SLC36A1: variants seen among roughly 807,000 people sequenced by gnomAD.
SLC36A1 encodes the protein proton-coupled amino acid transporter 1.
Under a neutral mutation model 47.5 loss-of-function variants are expected in SLC36A1, and 30 were observed. That is an observed-to-expected ratio of 0.63 (90% CI 0.47 to 0.86). The LOEUF (loss-of-function observed/expected upper bound fraction) is 0.86. SLC36A1 is among the 40% of genes least tolerant of loss of function. SLC36A1 has a pLI of 0.00. For synonymous variants in SLC36A1, 255 were observed against 249.7 expected, an observed-to-expected ratio of 1.02 and a Z score of -0.20; for missense variants, 517 against 606.0, an observed-to-expected ratio of 0.85 and a Z score of 1.54.
At chr5:151,511,073 G>C in the SLC36A1 span, 1 of 152,642 alleles carries the variant, frequency 6.6e-6, no homozygotes, top group Admixed American at 6.5e-5. Context: ...CTGCTGGAAG[G>C]TGGAAGGCCG....
chr5:151,359,678 C>A, the SLC36A1 span, among the ~76,000 whole-genome samples: 1 of 152,328 alleles, frequency 6.6e-6, no homozygotes, highest in African/African-American at 2.4e-5. Flanking sequence ...CCCTAGGGAG[C>A]AACTGATGTG....
At chr5:151,362,575 G>A in the SLC36A1 span, among the ~76,000 whole-genome samples, 5 of 151,888 alleles carry the variant, frequency 3.3e-5, no homozygotes, top group Non-Finnish European at 7.4e-5. Flanking sequence ...ATTTTTAGTA[G>A]AGATGAGGTT....
chr5:151,533,587 A>G, the SLC36A1 span, among the ~76,000 whole-genome samples: 4 of 152,164 alleles, frequency 2.6e-5, no homozygotes, highest in Admixed American at 6.5e-5. Context: ...TGTCAAACAG[A>G]GCAGGGTGTT....
At chr5:151,547,727 G>A in the SLC36A1 span, among the ~76,000 whole-genome samples, 5 of 152,186 alleles carry the variant, frequency 3.3e-5, no homozygotes, top group Admixed American at 6.5e-5. Context: ...ATGTGATTCC[G>A]ATTATAATTT....
At chr5:151,476,865 T>C in intron 9 of SLC36A1, 109 bp downstream of exon 9, 2 of 1,357,364 alleles carry the variant, frequency 1.5e-6, no homozygotes, top group Non-Finnish European at 2.1e-6. Context: ...CCCACTTCAC[T>C]CTAGCCCACC....
At chr5:151,352,898 G>A in the SLC36A1 span, among the ~76,000 whole-genome samples, 141 of 152,324 alleles carry the variant, frequency 9.3e-4, no homozygotes, top group Non-Finnish European at 1.6e-3. Flanking sequence ...CAAAGGGTAT[G>A]ATTTAAACCC....
At position 151,484,034 on chromosome 5, in the gene SLC36A1, TATC is replaced by T. The variant is rs1184315899; in HGVS notation, c.1160-3946_1160-3944del. On this transcript the variant is annotated intron_variant, in intron 10 of 10. Coordinates refer to ENST00000243389, the MANE Select transcript of SLC36A1 (RefSeq NM_078483.4). ...ACAAGTTTTTAGATTACTTATAAAA[TATC>T]ATGATGAAGCGGAAGATCTTTGTCC... Among the ~76,000 whole-genome samples the T allele has an allele frequency of 2.0e-5, 3 of 152,330 alleles. No individual in the cohort carries two copies. The East Asian group carries it at 5.8e-4, about 29-fold the overall frequency.
At chr5:151,380,651 A>G in the SLC36A1 span, 1 of 553,094 alleles carries the variant, frequency 1.8e-6, no homozygotes, top group East Asian at 4.9e-5. Context: ...CACATCGTCA[A>G]CCCAGCCCTA....
At chr5:151,521,222 A>C in the SLC36A1 span, 1 of 1,522,346 alleles carries the variant, frequency 6.6e-7, no homozygotes, top group South Asian at 1.3e-5. Flanking sequence ...GCTTAGAGTC[A>C]GGCGGGCTGA....
the SLC36A1 span, among the ~76,000 whole-genome samples, chr5:151,354,258 C>T: frequency 6.6e-6 from 1 of 152,176 alleles, no homozygotes; most frequent in Non-Finnish European, 1.5e-5. Context: ...GAGCCAAGAT[C>T]GCACCACTGC....
At chr5:151,378,662 C>T in the SLC36A1 span, 2 of 156,484 alleles carry the variant, frequency 1.3e-5, no homozygotes, top group African/African-American at 4.8e-5. Flanking sequence ...GTAGCTGCCA[C>T]CAGCACCACA....
At chr5:151,476,552 T>G (rs927904976) in intron 8 of SLC36A1, 38 bp from the exon 9 acceptor site, 3 of 1,444,598 alleles carry the variant, frequency 2.1e-6, no homozygotes, top group African/African-American at 2.8e-5. Flanking sequence ...CTTTTCTTTT[T>G]TCTGCACTTT....
At chr5:151,521,435 A>G in the SLC36A1 span, 1 of 1,614,088 alleles carries the variant, frequency 6.2e-7, no homozygotes, top group Non-Finnish European at 8.5e-7. Flanking sequence ...GGCATAGCTG[A>G]CCGCATCTGA....
chr5:151,447,172 A>G (rs988765996), upstream of SLC36A1, among the ~76,000 whole-genome samples: 8 of 152,260 alleles, frequency 5.3e-5, no homozygotes, highest in Admixed American at 5.2e-4. Flanking sequence ...ATTTGAATGT[A>G]TTAAAAGATA....
Position 151,489,196 on chromosome 5 carries a change from C to T in SLC36A1, c.*942C>T, listed in dbSNP as rs1020575474. 2.0e-5 allele frequency: 3 copies of T among 152,078 alleles called. No individual in the cohort carries two copies. The highest frequency in any genetic ancestry group is 4.4e-5 in the Non-Finnish European group (3 of 68,024). The allele number at this position is 152,078 out of a possible 1,614,324, so 9.4% of individuals were successfully genotyped here. On this transcript the variant is annotated 3_prime_UTR_variant, in exon 11 of 11. Coordinates refer to ENST00000243389, the MANE Select transcript of SLC36A1 (RefSeq NM_078483.4). The surrounding 1 kb of genome is among the most constrained non-coding windows in gnomAD (Gnocchi z 4.5). ...CCTGTTGACCAGCCTGGTTTCATACCGAAAAGACATTGAAGGACTGCAGAA... is the reference window on the plus strand; with the variant it reads ...CCTGTTGACCAGCCTGGTTTCATACTGAAAAGACATTGAAGGACTGCAGAA...
At chr5:151,362,389 C>CTTTTTT in the SLC36A1 span, among the ~76,000 whole-genome samples, 4 of 108,992 alleles carry the variant, frequency 3.7e-5, no homozygotes, top group Admixed American at 8.7e-5. Context: ...ATTGATTCTT[C>CTTTTTT]TTTTTTTTTT....
the SLC36A1 span, among the ~76,000 whole-genome samples, chr5:151,519,063 G>A: frequency 6.6e-6 from 1 of 152,246 alleles, no homozygotes; most frequent in Non-Finnish European, 1.5e-5. Context: ...ACACATTCCA[G>A]CTGGACGCAG....
the SLC36A1 span, chr5:151,545,591 C>G: frequency 6.2e-7 from 1 of 1,613,892 alleles, no homozygotes; most frequent in Non-Finnish European, 8.5e-7. Context: ...ACAGGGCTTC[C>G]TTGGTCATGG....
chr5:151,484,290 T>C (rs555974886), intron 10 of SLC36A1, among the ~76,000 whole-genome samples: 13 of 152,328 alleles, frequency 8.5e-5, no homozygotes, highest in African/African-American at 2.9e-4. Context: ...GCCTCCTGTC[T>C]CTTGAGCGGA....
Sources: gnomAD v4.1 joint callset for allele counts (sites outside exome capture counted in the v4.1 genomes callset) on GRCh38, gnomAD v4.1.1 for gene constraint, Gnocchi (gnomAD v3.1) non-coding constraint, MANE v1.5 for transcripts, NCBI Gene and HGNC (gene_info 2026-07-23, HGNC 2026-07-21) for gene names.